METTL4: variants seen among roughly 807,000 people sequenced by gnomAD.
METTL4 encodes methyltransferase 4, N6-adenosine.
Under a neutral mutation model 54.0 loss-of-function variants are expected in METTL4, and 40 were observed. The ratio of observed to expected loss-of-function variants is 0.74; its 90% confidence interval spans 0.58 to 0.96. The LOEUF is 0.96. METTL4 is among the 50% of genes least tolerant of loss of function. The pLI is 0.00. For missense variants in METTL4, 525 were observed against 549.0 expected (o/e 0.96, Z 0.44); for synonymous variants, 169 against 183.8 (o/e 0.92, Z 0.65).
chr18:2,553,098 GTCTT>G (rs1409487250), intron 4 of METTL4: 1 of 175,922 alleles, frequency 5.7e-6, no homozygotes, highest in African/African-American at 2.4e-5. Context: ...AGAAATCTAG[GTCTT>G]TTTTTTACTT....
chr18:2,552,057 G>A (rs2072169453), intron 5 of METTL4, among the ~76,000 whole-genome samples: 1 of 152,144 alleles, frequency 6.6e-6, no homozygotes, highest in Non-Finnish European at 1.5e-5. Flanking sequence ...GCCGGGCATG[G>A]TGGCGTGCGC....
chr18:2,571,049 T>G (rs2248850), intron 1 of METTL4, 100 bp downstream of exon 1: 146,918 of 152,196 alleles, frequency 0.97, 71,113 homozygotes, highest in East Asian at 1. Context: ...ACCGTGAGCC[T>G]CCGGCAAGTG....
At chr18:2,560,572 C>T (rs565442580) in intron 3 of METTL4, among the ~76,000 whole-genome samples, 145 of 152,116 alleles carry the variant, frequency 9.5e-4, no homozygotes, top group African/African-American at 3.1e-3. Flanking sequence ...CCAAATAAAA[C>T]ATTAGCAAAT....
rs1317132973 is a variant in METTL4 at position 2,547,547 on chromosome 18, A to C, written c.900-18T>G. On this transcript the variant is annotated intron_variant, in intron 5 of 8. Coordinates refer to ENST00000574538, the MANE Select transcript of METTL4 (RefSeq NM_022840.5). Reference sequence around the variant, plus strand: ...AACTGTACCTAAAAATAAACGGAAAAAAGGATGAGCAAAATTCACTGCAAA... The same window carrying C: ...AACTGTACCTAAAAATAAACGGAAACAAGGATGAGCAAAATTCACTGCAAA... 1 of 1,546,298 alleles carries C rather than the reference A, an allele frequency of 6.5e-7. No homozygotes were observed. The highest frequency in any genetic ancestry group is 8.7e-7 in the Non-Finnish European group (1 of 1,144,492).
chr18:2,561,689 CCTA>C (rs933955030), intron 3 of METTL4: 4 of 152,154 alleles, frequency 2.6e-5, no homozygotes, highest in Admixed American at 2.0e-4. Flanking sequence ...AATATTCTGT[CCTA>C]CTACTTTTTA....
chr18:2,549,983 A>G (rs776640239), intron 5 of METTL4, among the ~76,000 whole-genome samples: 24 of 151,858 alleles, frequency 1.6e-4, no homozygotes, highest in Non-Finnish European at 2.8e-4. Context: ...GACAACAGCG[A>G]AACTCTGTCT....
At chr18:2,566,046 C>CAA (rs143395336) in intron 2 of METTL4, among the ~76,000 whole-genome samples, 16 of 82,864 alleles carry the variant, frequency 1.9e-4, no homozygotes, top group Non-Finnish European at 2.3e-4. Context: ...GACTCTGTCT[C>CAA]AAATAAATAA....
At chr18:2,550,476 G>A (rs969703437) in intron 5 of METTL4, among the ~76,000 whole-genome samples, 2 of 152,082 alleles carry the variant, frequency 1.3e-5, no homozygotes, top group African/African-American at 4.8e-5. Context: ...AGAATTACAT[G>A]GTGTAGTAAT....
chr18:2,560,485 T>A (rs1472143037), intron 3 of METTL4, among the ~76,000 whole-genome samples: 3 of 152,158 alleles, frequency 2.0e-5, no homozygotes, highest in Non-Finnish European at 4.4e-5. Context: ...CGTGCAAACA[T>A]CCTACATATT....
In METTL4 at chr18:2,539,160, G is replaced by A. The variant is rs1567949615; in HGVS notation, c.1274-15C>T. The A allele has an allele frequency of 1.9e-6, 3 of 1,594,282 alleles. No homozygotes were observed. Among genetic ancestry groups the A allele is most frequent in the Admixed American group, 1.7e-5 (1 of 57,560 alleles). On this transcript the variant is annotated splice_polypyrimidine_tract_variant and intron_variant, in intron 8 of 8. Transcript: ENST00000574538. ...TTTTAAAACCTCTGTTTAAAAAAGA[G>A]AAAAAACACAAAAATTATTATTGAG...
Position 2,544,261 on chromosome 18 carries a change from T to A in METTL4, c.1207A>T (p.Ile403Phe), listed in dbSNP as rs916463833. The A allele has an allele frequency of 6.2e-7, 1 of 1,613,358 alleles. No homozygotes were observed. The highest frequency in any genetic ancestry group is 8.5e-7 in the Non-Finnish European group (1 of 1,179,696). Residue 403 changes from isoleucine to phenylalanine, a missense_variant, in exon 8 of 9, where the codon ATT becomes TTT. Ile to Phe is a conservative substitution (Grantham distance 21, BLOSUM62 0). Coordinates refer to ENST00000574538, the MANE Select transcript of METTL4 (RefSeq NM_022840.5). Reference sequence around the variant, plus strand: ...CTGACAATTAATTTGTGGTCTGGAATGGGGAGCACGTTTACATCTGCATTC... The same window carrying A: ...CTGACAATTAATTTGTGGTCTGGAAAGGGGAGCACGTTTACATCTGCATTC... ...LRNADVNVLP[I>F]PDHKLIVSVP...
At chr18:2,550,690 T>C (rs1381473588) in intron 5 of METTL4, among the ~76,000 whole-genome samples, 1 of 152,212 alleles carries the variant, frequency 6.6e-6, no homozygotes, top group African/African-American at 2.4e-5. Context: ...TATTCATAGT[T>C]ACAATTTCTC....
intron 1 of METTL4, among the ~76,000 whole-genome samples, chr18:2,569,464 G>T (rs763070323): frequency 2.6e-5 from 4 of 151,950 alleles, no homozygotes; most frequent in Non-Finnish European, 1.5e-5. Context: ...TGGAGTCTCC[G>T]CCTTCTCCCC....
rs2072211627 is a variant in METTL4, at chr18:2,554,732, G to A, written c.766C>T (p.Leu256=). ...AGAAAACTGCTTTTCGGTGGTAGCA[G>A]GTATTTCTGTCCCATTAAAGTAATC... The part of the protein sequence containing the change: ...KVITLMGQKY[L]LPPKSSFLLS... Residue 256 remains leucine, a synonymous_variant, in exon 4 of 9, where the codon CTG becomes TTG. Coordinates refer to ENST00000574538, the MANE Select transcript of METTL4 (RefSeq NM_022840.5). The A allele has an allele frequency of 6.2e-7, 1 of 1,611,950 alleles. No homozygotes were observed. Among genetic ancestry groups the A allele is most frequent in the African/African-American group, 1.3e-5 (1 of 74,590 alleles).
At position 2,545,634 on chromosome 18, in the gene METTL4, G is replaced by A. The variant is rs2072058604; in HGVS notation, c.1075-875C>T. On this transcript the variant is annotated intron_variant, in intron 6 of 8. Coordinates refer to ENST00000574538, the MANE Select transcript of METTL4 (RefSeq NM_022840.5). ...TACCATGGGAATATACATTTTCACT[G>A]TCAGAATACTGATATCTGTGAAACT... is the stretch of plus-strand genomic sequence containing the variant. Among the ~76,000 whole-genome samples the A allele has an allele frequency of 2.0e-5, 3 of 152,142 alleles. No homozygotes were observed. The South Asian group carries it at 6.2e-4, about 32-fold the overall frequency.
chr18:2,540,977 G>A, intron 8 of METTL4: 1 of 938,660 alleles, frequency 1.1e-6, no homozygotes, highest in South Asian at 4.9e-5. Context: ...CATGTTTTAT[G>A]AGAGTTTACA....
intron 8 of METTL4, among the ~76,000 whole-genome samples, chr18:2,541,643 A>G (rs2071993738): frequency 6.6e-6 from 1 of 152,184 alleles, no homozygotes; most frequent in Non-Finnish European, 1.5e-5. Context: ...TTATCTTTCA[A>G]TCGGAGAAAA....
At chr18:2,542,888 G>A (rs2072014032) in intron 8 of METTL4, among the ~76,000 whole-genome samples, 1 of 152,034 alleles carries the variant, frequency 6.6e-6, no homozygotes, top group Non-Finnish European at 1.5e-5. Flanking sequence ...AGCACTTTGG[G>A]AGGCCGAGGC....
chr18:2,557,433 G>A (rs1341168973), intron 3 of METTL4, among the ~76,000 whole-genome samples: 1 of 152,192 alleles, frequency 6.6e-6, no homozygotes, highest in Non-Finnish European at 1.5e-5. Flanking sequence ...TTCATCCTGA[G>A]TCTCTGAGCA....
Sources: allele counts gnomAD v4.1 joint callset (sites outside exome capture counted in the v4.1 genomes callset), GRCh38; gene constraint gnomAD v4.1.1; transcripts MANE v1.5; gene names NCBI Gene and HGNC (gene_info 2026-07-23, HGNC 2026-07-21).